The following SLC2A13 variants were observed in gnomAD, a reference collection of about 807,000 sequenced individuals.
SLC2A13 encodes proton myo-inositol cotransporter.
SLC2A13 carries 32 observed loss-of-function variants against 64.4 expected under a neutral mutation model. The observed-to-expected ratio is 0.50, with a 90% CI of 0.37 to 0.67. The LOEUF (loss-of-function observed/expected upper bound fraction) is 0.67, where lower values mean the gene tolerates loss of function less well. SLC2A13 is among the 30% of genes least tolerant of loss of function. The pLI is 0.00. For synonymous variants in SLC2A13, 338 were observed against 327.1 expected (o/e 1.03, Z -0.36); for missense variants, 743 against 829.2 (o/e 0.90, Z 1.28).
intron 6 of SLC2A13, among the ~76,000 whole-genome samples, chr12:39,839,421 G>A (rs1040038903): frequency 2.2e-4 from 34 of 151,942 alleles, no homozygotes; most frequent in African/African-American, 7.7e-4. Context: ...AAAGGCTAGG[G>A]GCCTACTGGT....
intron 4 of SLC2A13, among the ~76,000 whole-genome samples, chr12:39,899,274 T>G (rs1945017817): frequency 6.6e-6 from 1 of 152,152 alleles, no homozygotes; most frequent in African/African-American, 2.4e-5. Context: ...TGCGTAGAGG[T>G]GTTTGCAGTA....
chr12:39,984,522 A>G (rs1946992877), intron 3 of SLC2A13, among the ~76,000 whole-genome samples: 1 of 152,308 alleles, frequency 6.6e-6, no homozygotes, highest in East Asian at 1.9e-4. Flanking sequence ...ATTGTGTAAT[A>G]TACAATAGAC....
At chr12:39,907,668 A>G (rs1477839844) in intron 4 of SLC2A13, 2 of 152,166 alleles carry the variant, frequency 1.3e-5, no homozygotes, top group Admixed American at 6.6e-5. Flanking sequence ...TTGGAAATAG[A>G]ATGAGGTGCA....
intron 3 of SLC2A13, among the ~76,000 whole-genome samples, chr12:40,014,112 T>G (rs976558075): frequency 6.6e-6 from 1 of 152,180 alleles, no homozygotes; most frequent in Non-Finnish European, 1.5e-5. Context: ...TATAAAAACT[T>G]TGTACACCAC....
At chr12:39,939,818 G>T (rs1251975273) in intron 4 of SLC2A13, among the ~76,000 whole-genome samples, 1 of 152,158 alleles carries the variant, frequency 6.6e-6, no homozygotes, top group Non-Finnish European at 1.5e-5. Flanking sequence ...AAGGCTTAAA[G>T]TATTACTATT....
intron 3 of SLC2A13, among the ~76,000 whole-genome samples, chr12:39,970,474 C>A (rs138097184): frequency 6.6e-6 from 1 of 152,110 alleles, no homozygotes; most frequent in African/African-American, 2.4e-5. Flanking sequence ...CTCATTGGTA[C>A]CTTTGCCTTT....
At chr12:39,918,755 G>A (rs1405411958) in intron 4 of SLC2A13, among the ~76,000 whole-genome samples, 4 of 151,602 alleles carry the variant, frequency 2.6e-5, no homozygotes, top group Admixed American at 6.6e-5. Context: ...TTAGCTGGGC[G>A]TGGTGGCGCA....
intron 4 of SLC2A13, among the ~76,000 whole-genome samples, chr12:39,930,822 T>C (rs1945814383): frequency 6.6e-6 from 1 of 152,204 alleles, no homozygotes; most frequent in Non-Finnish European, 1.5e-5. Context: ...TGAAAAAACC[T>C]TAAAATCAGC....
At chr12:39,829,149 C>T (rs1942775394) in intron 7 of SLC2A13, among the ~76,000 whole-genome samples, 1 of 151,942 alleles carries the variant, frequency 6.6e-6, no homozygotes, top group Admixed American at 6.6e-5. Flanking sequence ...AACATTTACA[C>T]ATTTTATATG....
intron 3 of SLC2A13, among the ~76,000 whole-genome samples, chr12:40,008,125 T>A (rs993981607): frequency 6.6e-6 from 1 of 152,222 alleles, no homozygotes; most frequent in Non-Finnish European, 1.5e-5. Flanking sequence ...CCAGATTTTT[T>A]AAAATTTTAG....
At chr12:39,882,877 T>TTAGATA (rs1379943046) in intron 4 of SLC2A13, among the ~76,000 whole-genome samples, 2 of 152,248 alleles carry the variant, frequency 1.3e-5, no homozygotes, top group Admixed American at 1.3e-4. Context: ...CTAGAATTAC[T>TTAGATA]TAGATATACA....
intron 7 of SLC2A13, among the ~76,000 whole-genome samples, chr12:39,807,985 G>C (rs182772792): frequency 1.8e-4 from 28 of 152,222 alleles, no homozygotes; most frequent in Admixed American, 5.2e-4. Context: ...ATCTATTCAT[G>C]TATAATATAC....
intron 4 of SLC2A13, among the ~76,000 whole-genome samples, chr12:39,904,987 T>C (rs138383144): frequency 1.3e-5 from 2 of 152,208 alleles, no homozygotes; most frequent in Non-Finnish European, 2.9e-5. Context: ...ATCTCAACTG[T>C]AGAATGGCTG....
At chr12:40,021,252 A>G (rs1319731867) in intron 3 of SLC2A13, among the ~76,000 whole-genome samples, 2 of 152,194 alleles carry the variant, frequency 1.3e-5, no homozygotes, top group African/African-American at 4.8e-5. Flanking sequence ...TTATCCCCAT[A>G]TAACAACAGA....
At chr12:40,085,500 T>C (rs1247517785) in intron 1 of SLC2A13, among the ~76,000 whole-genome samples, 1 of 152,142 alleles carries the variant, frequency 6.6e-6, no homozygotes, top group Non-Finnish European at 1.5e-5. Flanking sequence ...ATCCAGCTGG[T>C]GTCTGCTGCA....
intron 3 of SLC2A13, among the ~76,000 whole-genome samples, chr12:39,994,074 T>C (rs960009306): frequency 7.9e-5 from 12 of 152,104 alleles, no homozygotes; most frequent in Admixed American, 4.6e-4. Context: ...GTTGTACCCA[T>C]CCTATCAACT....
intron 7 of SLC2A13, among the ~76,000 whole-genome samples, chr12:39,790,479 T>C (rs1941357139): frequency 4.0e-5 from 6 of 150,938 alleles, no homozygotes; most frequent in South Asian, 4.2e-4. Context: ...GTTTGGTTTT[T>C]TGTTCTTGTG....
At chr12:39,860,408 T>C (rs144745912) in intron 6 of SLC2A13, among the ~76,000 whole-genome samples, 1 of 152,342 alleles carries the variant, frequency 6.6e-6, no homozygotes, top group African/African-American at 2.4e-5. Flanking sequence ...GCTAGAGTCT[T>C]GATAAAGATC....
intron 3 of SLC2A13, among the ~76,000 whole-genome samples, chr12:39,959,997 C>T (rs1049997762): frequency 6.6e-6 from 1 of 152,118 alleles, no homozygotes; most frequent in African/African-American, 2.4e-5. Context: ...CAGACAGGCC[C>T]CAGTGTGTGT....
Sources: gnomAD v4.1 joint callset for allele counts (sites outside exome capture counted in the v4.1 genomes callset) on GRCh38, gnomAD v4.1.1 for gene constraint, MANE v1.5 for transcripts, NCBI Gene and HGNC (gene_info 2026-07-23, HGNC 2026-07-21) for gene names.